The following TMEM168 variants were observed in gnomAD, a reference collection of about 807,000 sequenced individuals.
The protein encoded by TMEM168 is transmembrane protein 168.
TMEM168 carries 40 observed loss-of-function variants against 53.2 expected under a neutral mutation model. The observed-to-expected ratio is 0.75, with a 90% CI of 0.58 to 0.98. TMEM168 has a LOEUF of 0.98. Ranked by LOEUF, TMEM168 falls within the 50% of genes least tolerant of loss-of-function variation. The pLI is 0.00. For missense variants in TMEM168, 771 were observed against 828.8 expected (o/e 0.93, Z 0.86); for synonymous variants, 282 against 293.0 (o/e 0.96, Z 0.38).
At chr7:112,769,057 T>C (rs1792862974) in intron 4 of TMEM168, among the ~76,000 whole-genome samples, 1 of 152,200 alleles carries the variant, frequency 6.6e-6, no homozygotes, top group Non-Finnish European at 1.5e-5. Context: ...ACTTTTACAA[T>C]TTACCAGCAC....
intron 1 of TMEM168, among the ~76,000 whole-genome samples, chr7:112,786,826 T>C (rs1793394564): frequency 6.6e-6 from 1 of 152,110 alleles, no homozygotes; most frequent in South Asian, 2.1e-4. Flanking sequence ...CAAACCCCTA[T>C]TTCCTCTCTT....
At chr7:112,776,785 T>A (rs781050312) in intron 2 of TMEM168, among the ~76,000 whole-genome samples, 2 of 151,840 alleles carry the variant, frequency 1.3e-5, no homozygotes, top group Non-Finnish European at 2.9e-5. Context: ...ATGGGATACA[T>A]AATCTATCAA....
intron 3 of TMEM168, among the ~76,000 whole-genome samples, chr7:112,774,582 T>C (rs1658652024): frequency 6.6e-6 from 1 of 151,326 alleles, no homozygotes; most frequent in South Asian, 2.1e-4. Flanking sequence ...TTTTGCTTTT[T>C]TCCTTTTTTT....
chr7:112,776,108 ATTAC>A (rs891088811), intron 2 of TMEM168, among the ~76,000 whole-genome samples: 2 of 151,232 alleles, frequency 1.3e-5, no homozygotes, highest in Non-Finnish European at 2.9e-5. Flanking sequence ...TTCTTTCTCT[ATTAC>A]TTTCTTTCTG....
chr7:112,784,846 T>C lies in TMEM168; in HGVS notation c.-21A>G. On this transcript the variant is annotated 5_prime_UTR_variant, in exon 2 of 5. Transcript: ENST00000312814. ...CACATGTAACCAGCAATGTGGGCTT[T>C]TCCCTCACGTTACAAAAATTAACCG... is the stretch of plus-strand genomic sequence containing the variant. The C allele has an allele frequency of 6.6e-7, 1 of 1,519,454 alleles. No homozygotes were observed. Among genetic ancestry groups the C allele is most frequent in the Non-Finnish European group, 8.8e-7 (1 of 1,142,322 alleles). 94.1% of individuals were successfully genotyped at this position (1,519,454 alleles called of 1,614,324 possible).
At chr7:112,776,515 TA>T (rs977103579) in intron 2 of TMEM168, among the ~76,000 whole-genome samples, 1 of 151,968 alleles carries the variant, frequency 6.6e-6, no homozygotes, top group Non-Finnish European at 1.5e-5. Flanking sequence ...CAAAATTTAA[TA>T]AAAAAATTAA....
rs749060676 is a variant in TMEM168, at chr7:112,783,839, T to C, written c.987A>G (p.Val329=). The C allele has an allele frequency of 1.2e-6, 2 of 1,607,380 alleles. No individual in the cohort carries two copies. Among genetic ancestry groups the C allele is most frequent in the East Asian group, 2.2e-5 (1 of 44,804 alleles). ...FHTKLNDCHK[V]YFTHRTDYNS... Reference sequence around the variant, plus strand: ...TGTAATCTGTCCTGTGAGTAAAATATACTTTATGGCAGTCATTTAATTTGG... The same window carrying C: ...TGTAATCTGTCCTGTGAGTAAAATACACTTTATGGCAGTCATTTAATTTGG... Residue 329 remains valine (V), a synonymous_variant, in exon 2 of 5, where the codon GTA becomes GTG. Transcript: ENST00000312814.
At position 112,764,493 on chromosome 7, in the gene TMEM168, T is replaced by TA. The variant is rs957097246; in HGVS notation, c.*2703_*2704insT. On this transcript the variant is annotated 3_prime_UTR_variant, in exon 5 of 5. Coordinates refer to ENST00000312814, the MANE Select transcript of TMEM168 (RefSeq NM_022484.6). The stretch of plus-strand genomic sequence containing the variant: ...TATTTCTTTTCTACACCCTTATTAT[T>TA]TTTTTTGTTTGTTTCTTTTTTTTTT... The TA allele has an allele frequency of 2.0e-5, 3 of 151,672 alleles. No homozygotes were observed. The highest frequency in any genetic ancestry group is 2.1e-4 in the South Asian group (1 of 4,814). The allele number at this position is 151,672 out of a possible 1,614,324, so 9.4% of individuals were successfully genotyped here. A position where few individuals can be genotyped will look rare whatever the true frequency, so the allele number is the denominator to read the frequency against.
At chr7:112,778,417 A>G (rs1396892783) in intron 2 of TMEM168, 1 of 152,200 alleles carries the variant, frequency 6.6e-6, no homozygotes, top group Non-Finnish European at 1.5e-5. Flanking sequence ...TATAACCTAC[A>G]TTGAGGTTTG....
chr7:112,771,664 C>T (rs1227170), intron 4 of TMEM168, among the ~76,000 whole-genome samples: 1 of 152,060 alleles, frequency 6.6e-6, no homozygotes, highest in Non-Finnish European at 1.5e-5. Flanking sequence ...TCAATGAGAT[C>T]ATGCTAGTTT....
Position 112,784,914 on chromosome 7 carries a change from T to C in TMEM168, c.-89A>G. 1 of 1,143,990 alleles carries C rather than the reference T, an allele frequency of 8.7e-7. No homozygotes were observed. Among genetic ancestry groups the C allele is most frequent in the Non-Finnish European group, 1.2e-6 (1 of 864,066 alleles). The allele number at this position is 1,143,990 out of a possible 1,614,324, so 70.9% of individuals were successfully genotyped here. On this transcript the variant is annotated 5_prime_UTR_variant, in exon 2 of 5. Coordinates refer to ENST00000312814, the MANE Select transcript of TMEM168 (RefSeq NM_022484.6). The stretch of plus-strand genomic sequence containing the variant: ...ATATCCAATGTATCCGCAACTCCTA[T>C]TTCAACATTTTCTCTTGTGGAAATT...
chr7:112,788,017 C>T (rs1236763511), intron 1 of TMEM168, among the ~76,000 whole-genome samples: 1 of 152,132 alleles, frequency 6.6e-6, no homozygotes, highest in Admixed American at 6.6e-5. Flanking sequence ...CAGGTGTGAG[C>T]CACTGCACCC....
Position 112,766,968 on chromosome 7 carries a change from G to A in TMEM168, c.*229C>T, listed in dbSNP as rs950377860. 2.1e-5 allele frequency: 10 copies of A among 480,320 alleles called. No individual in the cohort carries two copies. The highest frequency in any genetic ancestry group is 6.5e-5 in the South Asian group (2 of 30,542). The allele number at this position is 480,320 out of a possible 1,614,324, so 29.8% of individuals were successfully genotyped here. ...CTGAAAGTGCAGTGTTATTTTTAAC[G>A]TCTCTTATGCATTTACAGTAAGCAT... On this transcript the variant is annotated 3_prime_UTR_variant, in exon 5 of 5. Coordinates refer to ENST00000312814, the MANE Select transcript of TMEM168 (RefSeq NM_022484.6).
At chr7:112,774,259 T>C (rs888659903) in intron 3 of TMEM168, among the ~76,000 whole-genome samples, 1 of 152,184 alleles carries the variant, frequency 6.6e-6, no homozygotes, top group Non-Finnish European at 1.5e-5. Context: ...TAAAAGTTAT[T>C]TTGGAATAAA....
rs778751334 is a variant in TMEM168, at chr7:112,765,519, T to A, written c.*1678A>T. ...CATTAACTTTTTTTAAGCTAAAAGC[T>A]CATAATTTTAACATTTGGCTTTTCT... On this transcript the variant is annotated 3_prime_UTR_variant, in exon 5 of 5. Coordinates refer to ENST00000312814, the MANE Select transcript of TMEM168 (RefSeq NM_022484.6). The A allele has an allele frequency of 1.3e-5, 2 of 152,144 alleles. No homozygotes were observed. Among genetic ancestry groups the A allele is most frequent in the African/African-American group, 4.8e-5 (2 of 41,422 alleles). 9.4% of individuals were successfully genotyped at this position (152,144 alleles called of 1,614,324 possible). A position where few individuals can be genotyped will look rare whatever the true frequency, so the allele number is the denominator to read the frequency against.
At chr7:112,782,163 A>G (rs918736275) in intron 2 of TMEM168, among the ~76,000 whole-genome samples, 3 of 152,172 alleles carry the variant, frequency 2.0e-5, no homozygotes, top group Admixed American at 2.0e-4. Context: ...TAAAACCACA[A>G]TGCTATCACC....
In TMEM168 at chr7:112,783,824, C is replaced by T; in HGVS notation, c.1002G>A (p.Arg334=). 1 of 1,607,664 alleles carries T rather than the reference C, an allele frequency of 6.2e-7. No homozygotes were observed. The highest frequency in any genetic ancestry group is 8.5e-7 in the Non-Finnish European group (1 of 1,177,932). ...TTCTATCAAGGCTATTGTAATCTGT[C>T]CTGTGAGTAAAATATACTTTATGGC... ...NDCHKVYFTH[R]TDYNSLDRIM... Residue 334 remains arginine (R), a synonymous_variant, in exon 2 of 5, where the codon AGG becomes AGA. Coordinates refer to ENST00000312814, the MANE Select transcript of TMEM168 (RefSeq NM_022484.6).
intron 2 of TMEM168, among the ~76,000 whole-genome samples, chr7:112,777,035 G>A (rs1219323001): frequency 2.0e-5 from 3 of 151,916 alleles, no homozygotes; most frequent in African/African-American, 7.2e-5. Context: ...CTTTCTATGG[G>A]GTTGACCTTT....
At chr7:112,769,298 A>C (rs1367175203) in intron 4 of TMEM168, among the ~76,000 whole-genome samples, 1 of 152,216 alleles carries the variant, frequency 6.6e-6, no homozygotes, top group Non-Finnish European at 1.5e-5. Flanking sequence ...CATTGTCTCC[A>C]CATATTACTA....
Sources: allele counts gnomAD v4.1 joint callset (sites outside exome capture counted in the v4.1 genomes callset), GRCh38; gene constraint gnomAD v4.1.1; transcripts MANE v1.5; gene names NCBI Gene and HGNC (gene_info 2026-07-23, HGNC 2026-07-21).